EPHA6: variants seen among roughly 807,000 people sequenced by gnomAD.
The protein encoded by EPHA6 is EPH receptor A6.
EPHA6 carries 50 observed loss-of-function variants against 112.0 expected under a neutral mutation model. That is an observed-to-expected ratio of 0.45 (90% CI 0.36 to 0.56). The LOEUF is 0.56. Ranked by LOEUF, EPHA6 falls within the 20% of genes least tolerant of loss-of-function variation. The pLI, the probability that EPHA6 is intolerant of heterozygous loss-of-function variation, is 0.00. For synonymous variants in EPHA6, 529 were observed against 490.7 expected (o/e 1.08, Z -1.03); for missense variants, 1,280 against 1,417.4 (o/e 0.90, Z 1.56).
chr3:97,477,507 AAG>A (rs369267090), intron 8 of EPHA6, among the ~76,000 whole-genome samples: 21 of 151,364 alleles, frequency 1.4e-4, no homozygotes, highest in Non-Finnish European at 2.7e-4. Context: ...GAAGGAGAGA[AAG>A]AGAGAGAGGA....
chr3:97,361,334 A>G (rs1241738752), intron 5 of EPHA6, among the ~76,000 whole-genome samples: 3 of 152,192 alleles, frequency 2.0e-5, no homozygotes, highest in Non-Finnish European at 4.4e-5. Context: ...TGATCAAGTG[A>G]TCAAGTCTTT....
intron 5 of EPHA6, among the ~76,000 whole-genome samples, chr3:97,263,648 T>C (rs2079574318): frequency 1.3e-5 from 2 of 152,092 alleles, no homozygotes; most frequent in African/African-American, 4.8e-5. Context: ...AAGTTTAGAA[T>C]AAAAATATTA....
At chr3:97,595,996 C>G (rs956576669) in intron 12 of EPHA6, among the ~76,000 whole-genome samples, 2 of 150,404 alleles carry the variant, frequency 1.3e-5, no homozygotes, top group African/African-American at 4.9e-5. Context: ...AGCTTCGCCT[C>G]CCGGGTTCAC....
chr3:96,951,497 T>G lies in EPHA6; in HGVS notation c.451-35833T>G, dbSNP rs558831576. Among the ~76,000 whole-genome samples, 23 of 152,258 alleles carry G rather than the reference T, an allele frequency of 1.5e-4. No individual in the cohort carries two copies. The South Asian group carries it at 4.8e-3, about 32-fold the overall frequency. ...CAAGATGCTGATGATATATTTTCTA[T>G]TAAGAATATAAACTCTATAAATCAT... On this transcript the variant is annotated intron_variant, in intron 2 of 17. Transcript: ENST00000389672.
intron 3 of EPHA6, among the ~76,000 whole-genome samples, chr3:97,167,798 T>C (rs1331293962): frequency 2.6e-5 from 4 of 152,012 alleles, no homozygotes; most frequent in African/African-American, 9.6e-5. Flanking sequence ...TTAATTATAA[T>C]GGATAATAGG....
chr3:96,914,209 A>G lies in EPHA6; in HGVS notation c.450+47320A>G, dbSNP rs565587881. ...TGTTTATAATTTGTTAACAATGATA[A>G]AACACTATCCAAAATATCAGGGGAT... On this transcript the variant is annotated intron_variant, in intron 2 of 17. Transcript: ENST00000389672. Among the ~76,000 whole-genome samples the G allele has an allele frequency of 1.2e-4, 18 of 152,278 alleles. No individual in the cohort carries two copies. In the East Asian group the frequency reaches 1.9e-3, roughly 16 times the overall value.
chr3:97,568,917 A>G lies in EPHA6; in HGVS notation c.2387-23695A>G, dbSNP rs1475199707. Among the ~76,000 whole-genome samples, 24 of 152,200 alleles carry G rather than the reference A, an allele frequency of 1.6e-4. 1 individual carries two copies. Among genetic ancestry groups the G allele is most frequent in the Admixed American group, 1.6e-3 (24 of 15,276 alleles). ...ATCGGATGGAAACTATTAATAGGAA[A>G]CATCAAGGCTAAGAAGTTTCTGGAT... On this transcript the variant is annotated intron_variant, in intron 11 of 17. Coordinates refer to ENST00000389672, the MANE Select transcript of EPHA6 (RefSeq NM_001080448.3).
intron 2 of EPHA6, among the ~76,000 whole-genome samples, chr3:96,887,688 G>T (rs1315757748): frequency 6.6e-6 from 1 of 152,116 alleles, no homozygotes; most frequent in Non-Finnish European, 1.5e-5. Context: ...CTGCTACCAG[G>T]GTAGGTAGGG....
At chr3:96,893,835 C>T (rs2038114654) in intron 2 of EPHA6, among the ~76,000 whole-genome samples, 1 of 152,152 alleles carries the variant, frequency 6.6e-6, no homozygotes, top group Non-Finnish European at 1.5e-5. Context: ...TTACTGCTAG[C>T]TCTGGGTTGT....
intron 5 of EPHA6, among the ~76,000 whole-genome samples, chr3:97,359,291 T>A (rs911722390): frequency 6.6e-6 from 1 of 152,116 alleles, no homozygotes; most frequent in African/African-American, 2.4e-5. Context: ...CATTGCCCTA[T>A]CTTCAAGTTC....
At chr3:97,701,345 T>G (rs1013504086) in intron 14 of EPHA6, among the ~76,000 whole-genome samples, 1 of 152,028 alleles carries the variant, frequency 6.6e-6, no homozygotes, top group Non-Finnish European at 1.5e-5. Flanking sequence ...AAGAAAGAGC[T>G]CAGTATTGGC....
rs549221199 is a variant in EPHA6 at position 97,244,061 on chromosome 3, T to A, written c.1380T>A (p.Ser460Arg). The part of the protein sequence containing the change: ...DTGGRKDLTY[S>R]VICKKCGLDT... ...GAGGGAGAAAAGATCTCACATACAGTGTAATCTGTAAGAAATGTGGCTTAG... is the reference window on the plus strand; with the variant it reads ...GAGGGAGAAAAGATCTCACATACAGAGTAATCTGTAAGAAATGTGGCTTAG... The change falls in exon 5 of 18, where the codon AGT (serine) becomes AGA (arginine). Residue 460 changes from serine to arginine, a missense_variant. Physicochemically the swap from Ser to Arg is moderately radical, Grantham distance 110. This residue lies in a region of EPHA6 where 878 missense variants were observed against 999.7 expected (regional missense o/e 0.88). Transcript: ENST00000389672. 4 of 1,612,792 alleles carry A rather than the reference T, an allele frequency of 2.5e-6. No individual in the cohort carries two copies. Among genetic ancestry groups the A allele is most frequent in the Admixed American group, 1.7e-5 (1 of 59,770 alleles).
In EPHA6 at chr3:97,651,589, G is replaced by A. The variant is rs376989261; in HGVS notation, c.2784+13507G>A. On this transcript the variant is annotated intron_variant, in intron 14 of 17. Coordinates refer to ENST00000389672, the MANE Select transcript of EPHA6 (RefSeq NM_001080448.3). Reference sequence around the variant, plus strand: ...AGTCACAGTTCTCAAGATATTTTCCGTACAGTTTGATGATTAAGAATCTCA... The same window carrying A: ...AGTCACAGTTCTCAAGATATTTTCCATACAGTTTGATGATTAAGAATCTCA... 1.7e-3 allele frequency among the ~76,000 whole-genome samples: 255 copies of A among 152,046 alleles called. 1 individual carries two copies. Among genetic ancestry groups the A allele is most frequent in the Middle Eastern group, 6.8e-3 (2 of 294 alleles).
At chr3:97,469,868 G>A (rs559163787) in intron 7 of EPHA6, among the ~76,000 whole-genome samples, 1 of 151,766 alleles carries the variant, frequency 6.6e-6, no homozygotes, top group African/African-American at 2.4e-5. Flanking sequence ...GATGAAACTA[G>A]TCTACTCCTG....
At chr3:97,708,811 G>A (rs1221023401) in intron 14 of EPHA6, among the ~76,000 whole-genome samples, 1 of 152,214 alleles carries the variant, frequency 6.6e-6, no homozygotes, top group African/African-American at 2.4e-5. Context: ...GCTAAAAGAG[G>A]CCAAGGTACA....
At chr3:97,152,226 T>C (rs1241356272) in intron 3 of EPHA6, among the ~76,000 whole-genome samples, 3 of 151,980 alleles carry the variant, frequency 2.0e-5, no homozygotes, top group African/African-American at 7.2e-5. Flanking sequence ...AGGAAAGTTA[T>C]ACTAATACAT....
chr3:96,832,425 T>G (rs2034143941), intron 1 of EPHA6, among the ~76,000 whole-genome samples: 1 of 152,030 alleles, frequency 6.6e-6, no homozygotes. Flanking sequence ...TGTAACATCC[T>G]TTGTCCTGAT....
chr3:97,324,469 CTTTT>C (rs569871617), intron 5 of EPHA6, among the ~76,000 whole-genome samples: 1 of 115,434 alleles, frequency 8.7e-6, no homozygotes, highest in Admixed American at 9.2e-5. Context: ...TTCTTTCTTT[CTTTT>C]TCTTTCGTCT....
chr3:97,174,207 T>C (rs2076773079), intron 3 of EPHA6, among the ~76,000 whole-genome samples: 1 of 151,918 alleles, frequency 6.6e-6, no homozygotes, highest in Admixed American at 6.6e-5. Flanking sequence ...GTTTTATCCA[T>C]GTTATTGTGA....
Sources: gnomAD v4.1 joint callset for allele counts (sites outside exome capture counted in the v4.1 genomes callset) on GRCh38, gnomAD v4.1.1 for gene constraint, gnomAD v4.1.1 regional missense constraint, MANE v1.5 for transcripts, NCBI Gene and HGNC (gene_info 2026-07-23, HGNC 2026-07-21) for gene names.